Variants in RUNDC3B observed in about 807,000 individuals in gnomAD.
RUNDC3B encodes the protein RUN domain-containing protein 3B.
Under a neutral mutation model 58.4 loss-of-function variants are expected in RUNDC3B, and 33 were observed. The observed-to-expected ratio is 0.56, with a 90% CI of 0.43 to 0.75. The LOEUF (loss-of-function observed/expected upper bound fraction) is 0.75. Ranked by LOEUF, RUNDC3B falls within the 30% of genes least tolerant of loss-of-function variation. The pLI is 0.00. For missense variants in RUNDC3B, 501 were observed against 535.7 expected, an observed-to-expected ratio of 0.94 and a Z score of 0.64; for synonymous variants, 193 against 195.2, an observed-to-expected ratio of 0.99 and a Z score of 0.10.
Position 87,817,426 on chromosome 7 carries a change from A to C in RUNDC3B, c.1225+1164A>C, listed in dbSNP as rs137981978. Reference sequence around the variant, plus strand: ...TTCAATGGCAATTAGAATAAAATCCAAACTGCTTTTCCTAGCCTCCTACTT... The same window carrying C: ...TTCAATGGCAATTAGAATAAAATCCCAACTGCTTTTCCTAGCCTCCTACTT... On this transcript the variant is annotated intron_variant, in intron 10 of 10. Transcript: ENST00000394654. Among the ~76,000 whole-genome samples the C allele has an allele frequency of 6.6e-3, 1,006 of 152,268 alleles. 7 individuals are homozygous for C. The highest frequency in any genetic ancestry group is 0.011 in the Non-Finnish European group (740 of 68,010).
rs1045953308 is a variant in RUNDC3B, at chr7:87,773,589, C to A, written c.798+2840C>A. Among the ~76,000 whole-genome samples the A allele has an allele frequency of 3.3e-5, 5 of 152,154 alleles. No individual in the cohort carries two copies. In the East Asian group the frequency reaches 7.7e-4, roughly 23 times the overall value. ...AATGTTAACAATTAGAACATATAAC[C>A]TTTTCAAGCATATATGGAACAGCTA... On this transcript the variant is annotated intron_variant, in intron 7 of 10. Coordinates refer to ENST00000394654, the MANE Select transcript of RUNDC3B (RefSeq NM_001134405.2).
chr7:87,776,582 T>C (rs1327089485), intron 7 of RUNDC3B, among the ~76,000 whole-genome samples: 2 of 152,090 alleles, frequency 1.3e-5, no homozygotes, highest in African/African-American at 4.8e-5. Context: ...AGGCATTATA[T>C]TGACTTTTAA....
At chr7:87,629,914 C>G (rs1321674325) in intron 1 of RUNDC3B, among the ~76,000 whole-genome samples, 2 of 142,518 alleles carry the variant, frequency 1.4e-5, no homozygotes, top group Non-Finnish European at 3.0e-5. Context: ...CAGGGGGAGA[C>G]TTCGTCAAAA....
intron 2 of RUNDC3B, among the ~76,000 whole-genome samples, chr7:87,688,285 T>C (rs1827672315): frequency 6.6e-6 from 1 of 152,110 alleles, no homozygotes; most frequent in East Asian, 1.9e-4. Flanking sequence ...ATGAATCTTA[T>C]ATTAATGTTT....
At chr7:87,738,702 T>C (rs1832136342) in intron 4 of RUNDC3B, among the ~76,000 whole-genome samples, 1 of 152,024 alleles carries the variant, frequency 6.6e-6, no homozygotes, top group African/African-American at 2.4e-5. Context: ...CAAATTGTTT[T>C]AAACTTTTCC....
chr7:87,768,602 G>A (rs927625711), intron 6 of RUNDC3B, among the ~76,000 whole-genome samples: 1 of 152,176 alleles, frequency 6.6e-6, no homozygotes, highest in Non-Finnish European at 1.5e-5. Flanking sequence ...GGTTTGCAGG[G>A]GCAGAGGGGC....
At chr7:87,767,644 A>G (rs768191229) in intron 6 of RUNDC3B, among the ~76,000 whole-genome samples, 1 of 152,182 alleles carries the variant, frequency 6.6e-6, no homozygotes, top group Non-Finnish European at 1.5e-5. Context: ...TTCAATCTCC[A>G]GTTCAGTAAG....
chr7:87,761,121 A>G (rs1262022892), intron 6 of RUNDC3B, among the ~76,000 whole-genome samples: 1 of 151,932 alleles, frequency 6.6e-6, no homozygotes, highest in Non-Finnish European at 1.5e-5. Flanking sequence ...AACTGCTACA[A>G]CTTGGCAACA....
chr7:87,822,294 T>A (rs1477290009), intron 10 of RUNDC3B, among the ~76,000 whole-genome samples: 2 of 152,110 alleles, frequency 1.3e-5, no homozygotes, highest in Admixed American at 1.3e-4. Flanking sequence ...AAAATGCTCA[T>A]CATCACTGGC....
chr7:87,749,509 A>G (rs1303648896), intron 6 of RUNDC3B, among the ~76,000 whole-genome samples: 3 of 152,222 alleles, frequency 2.0e-5, no homozygotes, highest in Admixed American at 6.5e-5. Flanking sequence ...ATCACTAGTC[A>G]TGGAGTTTTT....
At chr7:87,726,131 A>G (rs1831216154) in intron 4 of RUNDC3B, among the ~76,000 whole-genome samples, 2 of 152,148 alleles carry the variant, frequency 1.3e-5, no homozygotes, top group Admixed American at 6.5e-5. Flanking sequence ...TTTTGTTGCC[A>G]TTGCTTTTGG....
intron 2 of RUNDC3B, among the ~76,000 whole-genome samples, chr7:87,670,424 G>C (rs897444379): frequency 2.0e-5 from 3 of 152,110 alleles, no homozygotes; most frequent in African/African-American, 7.2e-5. Context: ...CCATCTTCCT[G>C]AGTCTCAGTG....
At chr7:87,629,235 G>C (rs1820955509) in intron 1 of RUNDC3B, 1 of 324,692 alleles carries the variant, frequency 3.1e-6, no homozygotes, top group African/African-American at 2.1e-5. Flanking sequence ...GCGTCAGAGT[G>C]AAAGAGGAGG....
chr7:87,678,442 G>A (rs1006816980), intron 2 of RUNDC3B, among the ~76,000 whole-genome samples: 23 of 152,128 alleles, frequency 1.5e-4, no homozygotes, highest in Non-Finnish European at 1.9e-4. Context: ...ATTTCATAAA[G>A]TAGTGACTAT....
At chr7:87,799,153 T>C (rs941381545) in intron 8 of RUNDC3B, among the ~76,000 whole-genome samples, 1 of 152,246 alleles carries the variant, frequency 6.6e-6, no homozygotes, top group Non-Finnish European at 1.5e-5. Context: ...TATTGTTTTA[T>C]TAACAGATAT....
intron 4 of RUNDC3B, among the ~76,000 whole-genome samples, chr7:87,724,989 TA>T (rs1011215186): frequency 6.6e-6 from 1 of 152,130 alleles, no homozygotes; most frequent in Non-Finnish European, 1.5e-5. Flanking sequence ...TTCATATCAA[TA>T]AAAAACAAAG....
chr7:87,702,313 C>T (rs1019698438), intron 3 of RUNDC3B, among the ~76,000 whole-genome samples: 1 of 151,366 alleles, frequency 6.6e-6, no homozygotes, highest in East Asian at 1.9e-4. Context: ...GGGTCTTGCT[C>T]TGTTGCCCAG....
chr7:87,704,288 A>C (rs778220255), intron 3 of RUNDC3B, among the ~76,000 whole-genome samples: 3 of 152,148 alleles, frequency 2.0e-5, no homozygotes, highest in Non-Finnish European at 2.9e-5. Context: ...GCTAAGGTTT[A>C]GGCTAAGGTT....
At chr7:87,760,789 A>G (rs1472297262) in intron 6 of RUNDC3B, among the ~76,000 whole-genome samples, 1 of 152,066 alleles carries the variant, frequency 6.6e-6, no homozygotes, top group East Asian at 1.9e-4. Flanking sequence ...AAATGAGTGA[A>G]TTTAGACCTT....
Sources: allele counts gnomAD v4.1 joint callset (sites outside exome capture counted in the v4.1 genomes callset), GRCh38; gene constraint gnomAD v4.1.1; transcripts MANE v1.5; gene names NCBI Gene and HGNC (gene_info 2026-07-23, HGNC 2026-07-21).